Variants in TET3 observed in about 807,000 individuals in gnomAD.
TET3 encodes methylcytosine dioxygenase TET3.
A neutral mutation model predicts 141.4 loss-of-function variants in TET3; 19 were observed. The observed-to-expected ratio is 0.13, with a 90% CI of 0.09 to 0.20. TET3 has a LOEUF of 0.20. Ranked by LOEUF, TET3 falls within the 10% of genes least tolerant of loss-of-function variation. The probability of loss-of-function intolerance (pLI) is 1.00; values close to 1 mark genes in which losing one functional copy is unlikely to be tolerated. For synonymous variants in TET3, 1,043 were observed against 980.9 expected, an observed-to-expected ratio of 1.06 and a Z score of -1.18; for missense variants, 1,874 against 2,356.9, an observed-to-expected ratio of 0.80 and a Z score of 4.24.
At chr2:74,077,616 C>CTGTTTT (rs113130294) in intron 5 of TET3, among the ~76,000 whole-genome samples, 11 of 151,988 alleles carry the variant, frequency 7.2e-5, no homozygotes, top group East Asian at 5.8e-4. Flanking sequence ...ACAGTCAGTT[C>CTGTTTT]TGTTTTTGTT....
intron 2 of TET3, among the ~76,000 whole-genome samples, chr2:73,995,461 G>A (rs943854719): frequency 2.4e-4 from 37 of 152,204 alleles, no homozygotes; most frequent in African/African-American, 8.4e-4. Flanking sequence ...GAGAGGATCC[G>A]TGGTTTTTAG....
chr2:74,042,397 G>T (rs554212454), intron 3 of TET3, among the ~76,000 whole-genome samples: 1 of 152,346 alleles, frequency 6.6e-6, no homozygotes, highest in African/African-American at 2.4e-5. Flanking sequence ...TATATCCTAT[G>T]TAAGGAGTAG....
chr2:74,096,654 G>A (rs909755593), intron 10 of TET3, among the ~76,000 whole-genome samples: 2 of 152,062 alleles, frequency 1.3e-5, no homozygotes, highest in Admixed American at 6.5e-5. Flanking sequence ...TGTAATCCCA[G>A]CTACTGGGGA....
chr2:74,100,774 G>A lies in TET3; in HGVS notation c.3986G>A (p.Ser1329Asn). Residue 1329 changes from serine to asparagine, a missense_variant, in exon 12 of 12, where the codon AGC becomes AAC. Transcript: ENST00000409262. ...CTCCACGCTCTGCACAACAGCCTGAGCCCGGCCTACGGTGGTGCTGAGTTT... is the reference window on the plus strand; with the variant it reads ...CTCCACGCTCTGCACAACAGCCTGAACCCGGCCTACGGTGGTGCTGAGTTT... Reference protein sequence around the residue: ...PDLHALHNSLSPAYGGAEFAE... With the variant: ...PDLHALHNSLNPAYGGAEFAE... 1 of 1,613,320 alleles carries A rather than the reference G, an allele frequency of 6.2e-7. No individual in the cohort carries two copies. The highest frequency in any genetic ancestry group is 8.5e-7 in the Non-Finnish European group (1 of 1,179,708).
intron 1 of TET3, among the ~76,000 whole-genome samples, chr2:73,985,654 C>T (rs2105052701): frequency 6.6e-6 from 1 of 152,182 alleles, no homozygotes; most frequent in East Asian, 1.9e-4. Flanking sequence ...TAGGGAGGGC[C>T]CGGCGGCCTC....
At chr2:74,129,765 T>G in the TET3 span, among the ~76,000 whole-genome samples, 11 of 152,130 alleles carry the variant, frequency 7.2e-5, no homozygotes, top group African/African-American at 2.4e-4. Flanking sequence ...CAGGAGTCTG[T>G]TGTTACACTC....
intron 3 of TET3, among the ~76,000 whole-genome samples, chr2:74,026,539 A>T (rs942105756): frequency 6.6e-6 from 1 of 152,234 alleles, no homozygotes. Flanking sequence ...AGTGCTTAAC[A>T]GATAATTGAC....
the TET3 span, chr2:74,134,890 C>A: frequency 2.4e-6 from 1 of 408,894 alleles, no homozygotes; most frequent in Admixed American, 2.6e-5. Flanking sequence ...ATGGATGTCC[C>A]ACTGTCCCTG....
intron 4 of TET3, among the ~76,000 whole-genome samples, chr2:74,051,160 A>T (rs575164189): frequency 6.6e-6 from 1 of 152,168 alleles, no homozygotes. Context: ...GCAGGATGGG[A>T]TGTTGCAAGG....
chr2:74,042,790 C>T (rs2103640482), intron 3 of TET3, among the ~76,000 whole-genome samples: 1 of 152,358 alleles, frequency 6.6e-6, no homozygotes, highest in Middle Eastern at 3.4e-3. Context: ...GGCAGGTTTC[C>T]TCCAGCATTA....
chr2:74,110,326 A>AC (rs1691670968), downstream of TET3, among the ~76,000 whole-genome samples: 2 of 151,970 alleles, frequency 1.3e-5, no homozygotes, highest in Admixed American at 1.3e-4. Context: ...ATATTGGTTT[A>AC]CCCAACCCAG....
intron 3 of TET3, among the ~76,000 whole-genome samples, chr2:74,008,030 T>C (rs1685230857): frequency 6.6e-6 from 1 of 152,128 alleles, no homozygotes; most frequent in Non-Finnish European, 1.5e-5. Flanking sequence ...TTGGTTCCTG[T>C]ATTTATGTTG....
At chr2:74,096,970 G>A (rs1690872954) in intron 10 of TET3, among the ~76,000 whole-genome samples, 1 of 151,920 alleles carries the variant, frequency 6.6e-6, no homozygotes, top group Non-Finnish European at 1.5e-5. Flanking sequence ...GTGCATGCTT[G>A]TAGTCCCAGC....
At chr2:74,128,699 A>G in the TET3 span, among the ~76,000 whole-genome samples, 2 of 135,582 alleles carry the variant, frequency 1.5e-5, no homozygotes, top group South Asian at 2.2e-4. Flanking sequence ...AGACTATTAG[A>G]AAAAAAAAAA....
At chr2:74,131,881 C>G in the TET3 span, among the ~76,000 whole-genome samples, 2 of 150,704 alleles carry the variant, frequency 1.3e-5, no homozygotes, top group Non-Finnish European at 2.9e-5. Flanking sequence ...ATTCCTCTCC[C>G]AACTTTCCTT....
chr2:74,115,871 C>G, the TET3 span, among the ~76,000 whole-genome samples: 22 of 151,906 alleles, frequency 1.4e-4, no homozygotes, highest in Middle Eastern at 3.4e-3. Flanking sequence ...AAAAATTAGC[C>G]TCGCATGGTG....
chr2:74,067,394 A>C (rs183990178), intron 4 of TET3, among the ~76,000 whole-genome samples: 13 of 152,180 alleles, frequency 8.5e-5, no homozygotes, highest in Non-Finnish European at 1.5e-4. Flanking sequence ...GACAACAGCT[A>C]CCTGTTGAGC....
At chr2:74,003,406 G>A (rs1459645589) in intron 3 of TET3, among the ~76,000 whole-genome samples, 9 of 150,860 alleles carry the variant, frequency 6.0e-5, no homozygotes, top group African/African-American at 2.2e-4. Context: ...GTGCAGTTGG[G>A]GCTTGGTTTG....
At chr2:74,124,057 G>A in the TET3 span, among the ~76,000 whole-genome samples, 2 of 150,948 alleles carry the variant, frequency 1.3e-5, no homozygotes, top group East Asian at 4.0e-4. Flanking sequence ...GAGCCCCTCC[G>A]CCCGGCAGCC....
Sources: gnomAD v4.1 joint callset for allele counts (sites outside exome capture counted in the v4.1 genomes callset) on GRCh38, gnomAD v4.1.1 for gene constraint, MANE v1.5 for transcripts, NCBI Gene and HGNC (gene_info 2026-07-23, HGNC 2026-07-21) for gene names.